ADAP1: variants seen among roughly 807,000 people sequenced by gnomAD.
The protein encoded by ADAP1 is ArfGAP with dual PH domains 1.
Under a neutral mutation model 54.9 loss-of-function variants are expected in ADAP1, and 31 were observed. The ratio of observed to expected loss-of-function variants is 0.56; its 90% CI spans 0.42 to 0.76. The LOEUF (loss-of-function observed/expected upper bound fraction) is 0.76, where lower values mean the gene tolerates loss of function less well. Among genes scored for constraint, ADAP1 ranks in the 30% least tolerant of loss-of-function variants. ADAP1 has a pLI of 0.00. For synonymous variants in ADAP1, 313 were observed against 202.6 expected, an observed-to-expected ratio of 1.55 and a Z score of -4.63; for missense variants, 535 against 512.4, an observed-to-expected ratio of 1.04 and a Z score of -0.42.
chr7:932,382 C>T (rs1238309952), intron 2 of ADAP1, among the ~76,000 whole-genome samples: 1 of 152,200 alleles, frequency 6.6e-6, no homozygotes, highest in Non-Finnish European at 1.5e-5. Flanking sequence ...ACAGTGAACG[C>T]CCCACCCCTG....
rs192835154 is a variant in ADAP1 at position 945,964 on chromosome 7, C to A, written c.82+8432G>T. On this transcript the variant is annotated intron_variant, in intron 1 of 10. Coordinates refer to ENST00000265846, the MANE Select transcript of ADAP1 (RefSeq NM_006869.4). This position sits in a 1 kb window ranked among gnomAD's most constrained non-coding sequence, Gnocchi z 4.2. Reference sequence around the variant, plus strand: ...GGGCCCTGGTTCCAGAGACCTTTGCCCTCCCAAGGCTGACGCACAGCAGAG... The same window carrying A: ...GGGCCCTGGTTCCAGAGACCTTTGCACTCCCAAGGCTGACGCACAGCAGAG... 3.1e-6 allele frequency: 1 copy of A among 326,038 alleles called. No homozygotes were observed. Among genetic ancestry groups the A allele is most frequent in the Non-Finnish European group, 4.4e-6 (1 of 227,056 alleles). The allele number at this position is 326,038 out of a possible 1,614,324, so 20.2% of individuals were successfully genotyped here.
chr7:898,386 G>C lies in ADAP1; in HGVS notation c.*535C>G, dbSNP rs1052274966. 5.5e-6 allele frequency: 1 copy of C among 180,806 alleles called. No homozygotes were observed. The highest frequency in any genetic ancestry group is 2.4e-5 in the African/African-American group (1 of 41,958). 11.2% of individuals were successfully genotyped at this position (180,806 alleles called of 1,614,324 possible). A position where few individuals can be genotyped will look rare whatever the true frequency, so the allele number is the denominator to read the frequency against. ...GCAACTCCAGCCCGGGCAGGGGCCG[G>C]GACCTGTGTGGATAATCCACCCAAA... On this transcript the variant is annotated 3_prime_UTR_variant, in exon 11 of 11. Transcript: ENST00000265846.
chr7:912,547 C>T (rs371633810), intron 4 of ADAP1, among the ~76,000 whole-genome samples: 5 of 152,180 alleles, frequency 3.3e-5, no homozygotes, highest in Non-Finnish European at 5.9e-5. Flanking sequence ...GCCACAGCGA[C>T]GCACCTTCCG....
rs146630219 is a variant in ADAP1, at chr7:926,633, G to A, written c.225C>T (p.Ser75=). The change falls in exon 3 of 11, where the codon TCC becomes TCT. Residue 75 remains serine, a synonymous_variant. Transcript: ENST00000265846. The surrounding 1 kb of genome is among the most constrained non-coding windows in gnomAD (Gnocchi z 4.6). ...WEEAQVEFMA[S]HGNDAARARF... ...TGGCTCTCGCGGCGTCGTTCCCGTG[G>A]GAGGCCATGAACTGCAAGAGAGGAG... is the stretch of plus-strand genomic sequence containing the variant. 22 of 1,544,400 alleles carry A rather than the reference G, an allele frequency of 1.4e-5. No individual in the cohort carries two copies. Among genetic ancestry groups the A allele is most frequent in the Non-Finnish European group, 1.7e-5 (20 of 1,144,538 alleles).
chr7:900,437 T>C (rs904730298), intron 7 of ADAP1, 96 bp downstream of exon 7: 1 of 1,342,396 alleles, frequency 7.4e-7, no homozygotes, highest in Non-Finnish European at 1.0e-6. Context: ...ACCCTAGGGC[T>C]CAACATCATC....
At chr7:906,791 CGGGACA>C (rs796819322) in intron 4 of ADAP1, among the ~76,000 whole-genome samples, 1 of 28,682 alleles carries the variant, frequency 3.5e-5, no homozygotes, top group African/African-American at 9.4e-5. Flanking sequence ...ACACGGGGGA[CGGGACA>C]GGGGACATGG....
intron 6 of ADAP1, chr7:901,153 G>T: frequency 2.5e-6 from 1 of 401,328 alleles, no homozygotes; most frequent in Non-Finnish European, 5.0e-6. Flanking sequence ...CCTCTGGAGA[G>T]CGTGGGGTGG....
chr7:899,190 C>G lies in ADAP1; in HGVS notation c.939G>C (p.Pro313=). ...GCCAGTGGTGGCCCTGGGTGGACGG[C>G]GGGAACCCATGCAGCACCGTGTAGC... is the stretch of plus-strand genomic sequence containing the variant. ...ESGYTVLHGF[P]PSTQGHHWPH... is the part of the protein sequence containing the mutation. The change falls in exon 10 of 11, where the codon CCG becomes CCC. Residue 313 remains proline (P), a synonymous_variant. Transcript: ENST00000265846. 6.2e-7 allele frequency: 1 copy of G among 1,612,360 alleles called. No homozygotes were observed. The highest frequency in any genetic ancestry group is 8.5e-7 in the Non-Finnish European group (1 of 1,179,966).
At chr7:910,270 C>T (rs962165335) in intron 4 of ADAP1, among the ~76,000 whole-genome samples, 3 of 145,180 alleles carry the variant, frequency 2.1e-5, no homozygotes, top group East Asian at 2.0e-4. Context: ...GTTTACGAGG[C>T]TTTTTTTTTT....
chr7:934,641 C>T (rs571977401), intron 2 of ADAP1, among the ~76,000 whole-genome samples: 3 of 152,310 alleles, frequency 2.0e-5, no homozygotes, highest in Non-Finnish European at 2.9e-5. Context: ...AGCCCCCAGC[C>T]GGGGTCTTGT....
chr7:941,648 G>T (rs1295722134), intron 1 of ADAP1, among the ~76,000 whole-genome samples: 1 of 152,158 alleles, frequency 6.6e-6, no homozygotes, highest in Non-Finnish European at 1.5e-5. Flanking sequence ...AATTAAAGAA[G>T]ACCTACAGAT....
chr7:905,287 G>T (rs1845067327), intron 4 of ADAP1, 115 bp from the exon 5 acceptor site: 2 of 477,490 alleles, frequency 4.2e-6, no homozygotes, highest in Non-Finnish European at 7.6e-6. Context: ...GACACGGACG[G>T]GGGACACGGA....
intron 1 of ADAP1, among the ~76,000 whole-genome samples, chr7:937,096 CGGGCCTCGGATT>C: frequency 9.0e-6 from 1 of 110,714 alleles, no homozygotes; most frequent in East Asian, 2.7e-4. Context: ...GGGGTCACGC[CGGGCCTCGGATT>C]TGGGGGTCAC....
Position 899,265 on chromosome 7 carries a change from T to C in ADAP1, c.868-4A>G. On this transcript the variant is annotated splice_polypyrimidine_tract_variant and splice_region_variant and intron_variant, in intron 9 of 10. Transcript: ENST00000265846. ...CTTCCCCTCGGGCGAAGGCGTCCTG[T>C]GGGTGGGGACCGCACTGGAGGCGGG... 6.2e-7 allele frequency: 1 copy of C among 1,612,672 alleles called. No homozygotes were observed. The highest frequency in any genetic ancestry group is 8.5e-7 in the Non-Finnish European group (1 of 1,179,880).
At chr7:931,372 C>T (rs1215637687) in intron 2 of ADAP1, among the ~76,000 whole-genome samples, 1 of 152,306 alleles carries the variant, frequency 6.6e-6, no homozygotes, top group East Asian at 1.9e-4. Flanking sequence ...CGTGTTCCAT[C>T]CACACAAGGC....
chr7:903,846 C>A, intron 6 of ADAP1: 1 of 375,940 alleles, frequency 2.7e-6, no homozygotes, highest in South Asian at 2.8e-5. Context: ...AGCTGGGTGG[C>A]CCCAGAGACA....
chr7:949,232 C>A (rs761589373), intron 1 of ADAP1, among the ~76,000 whole-genome samples: 1 of 152,216 alleles, frequency 6.6e-6, no homozygotes, highest in African/African-American at 2.4e-5. Context: ...GAGTTCAGCC[C>A]TTGTGGGCCT....
intron 1 of ADAP1, among the ~76,000 whole-genome samples, chr7:943,277 A>G (rs1583185850): frequency 4.7e-5 from 1 of 21,088 alleles, no homozygotes; most frequent in African/African-American, 3.8e-4. Flanking sequence ...GAAGGGAGAG[A>G]GGAGGAGGAA....
chr7:920,812 C>T lies in ADAP1; in HGVS notation c.306-762G>A. 6.5e-7 allele frequency: 1 copy of T among 1,550,282 alleles called. No individual in the cohort carries two copies. The highest frequency in any genetic ancestry group is 8.7e-7 in the Non-Finnish European group (1 of 1,146,898). On this transcript the variant is annotated intron_variant, in intron 3 of 10. Coordinates refer to ENST00000265846, the MANE Select transcript of ADAP1 (RefSeq NM_006869.4). The surrounding 1 kb of genome is among the most constrained non-coding windows in gnomAD (Gnocchi z 4.5). ...AGTGAAGCCAATACCATTGCAGAAA[C>T]CACGACCCACACACAGGCCCGGCAC...
Sources: gnomAD v4.1 joint callset for allele counts (sites outside exome capture counted in the v4.1 genomes callset) on GRCh38, gnomAD v4.1.1 for gene constraint, Gnocchi (gnomAD v3.1) non-coding constraint, MANE v1.5 for transcripts, NCBI Gene and HGNC (gene_info 2026-07-23, HGNC 2026-07-21) for gene names.